The following AKT3 variants were observed in gnomAD, a reference collection of about 807,000 sequenced individuals.
AKT3 encodes the protein AKT serine/threonine kinase 3.
Under a neutral mutation model 65.3 loss-of-function variants are expected in AKT3, and 15 were observed. That is an observed-to-expected ratio of 0.23 (90% CI 0.15 to 0.35). AKT3 has a LOEUF of 0.35. AKT3 is among the 10% of genes least tolerant of loss of function. The probability of loss-of-function intolerance (pLI) is 1.00; values close to 1 mark genes in which losing one functional copy is unlikely to be tolerated. For missense variants in AKT3, 243 were observed against 576.5 expected (o/e 0.42, Z 5.92); for synonymous variants, 206 against 183.8 (o/e 1.12, Z -0.98).
intron 9 of AKT3, among the ~76,000 whole-genome samples, chr1:243,567,460 G>A (rs943262596): frequency 4.1e-5 from 6 of 145,536 alleles, no homozygotes; most frequent in South Asian, 2.2e-4. Context: ...CCACTACCAC[G>A]CCCTGCTAGT....
At chr1:243,599,030 G>A (rs1254197991) in intron 8 of AKT3, among the ~76,000 whole-genome samples, 1 of 152,030 alleles carries the variant, frequency 6.6e-6, no homozygotes, top group Non-Finnish European at 1.5e-5. Context: ...TATTTTTATC[G>A]TGGTGATGAT....
intron 11 of AKT3, among the ~76,000 whole-genome samples, chr1:243,549,131 G>A (rs938542861): frequency 6.6e-6 from 1 of 152,054 alleles, no homozygotes; most frequent in Middle Eastern, 3.2e-3. Context: ...AATCCATGTA[G>A]TCAGTTACTG....
chr1:243,585,815 T>C (rs373346764), intron 8 of AKT3, among the ~76,000 whole-genome samples: 10 of 152,152 alleles, frequency 6.6e-5, no homozygotes, highest in Non-Finnish European at 1.3e-4. Flanking sequence ...AACACCATTC[T>C]TGACATTGGC....
At chr1:243,630,974 C>CTTTT (rs34788254) in intron 6 of AKT3, among the ~76,000 whole-genome samples, 3 of 147,690 alleles carry the variant, frequency 2.0e-5, no homozygotes, top group Admixed American at 6.7e-5. Flanking sequence ...CAAATAGCCT[C>CTTTT]TTTTTTTTTT....
intron 4 of AKT3, among the ~76,000 whole-genome samples, chr1:243,656,934 A>G (rs1301747063): frequency 1.3e-5 from 2 of 152,236 alleles, no homozygotes; most frequent in Non-Finnish European, 2.9e-5. Context: ...ATAAATTAAG[A>G]AAAAAGGTAT....
intron 8 of AKT3, among the ~76,000 whole-genome samples, chr1:243,589,743 A>G (rs1007505081): frequency 1.3e-4 from 20 of 152,310 alleles, no homozygotes; most frequent in African/African-American, 4.8e-4. Flanking sequence ...GTACTCCCAC[A>G]TACACTGTAG....
intron 12 of AKT3, among the ~76,000 whole-genome samples, chr1:243,528,690 T>C (rs1349557081): frequency 6.6e-6 from 1 of 152,244 alleles, no homozygotes; most frequent in African/African-American, 2.4e-5. Flanking sequence ...TTCCATGGTG[T>C]ATCTGTACTA....
intron 2 of AKT3, among the ~76,000 whole-genome samples, chr1:243,718,321 T>C (rs535192506): frequency 4.3e-4 from 65 of 152,330 alleles, no homozygotes; most frequent in African/African-American, 1.5e-3. Flanking sequence ...GTTACTTACA[T>C]AGGAGATGAA....
chr1:243,585,161 G>C (rs1396823602), intron 8 of AKT3, among the ~76,000 whole-genome samples: 2 of 151,854 alleles, frequency 1.3e-5, no homozygotes, highest in Admixed American at 1.3e-4. Flanking sequence ...AAAAAATCCA[G>C]GAATACATCT....
intron 13 of AKT3, among the ~76,000 whole-genome samples, chr1:243,507,273 G>T (rs1669732537): frequency 6.6e-6 from 1 of 152,190 alleles, no homozygotes; most frequent in Non-Finnish European, 1.5e-5. Context: ...ACACCCTTTT[G>T]GAAGAGGAGG....
intron 2 of AKT3, among the ~76,000 whole-genome samples, chr1:243,810,886 T>C (rs1558834128): frequency 6.6e-6 from 1 of 152,134 alleles, no homozygotes; most frequent in Admixed American, 6.5e-5. Context: ...TGCAAATCAA[T>C]AAAGTAATCC....
chr1:243,626,357 T>G (rs1444273634), intron 6 of AKT3, among the ~76,000 whole-genome samples: 1 of 152,218 alleles, frequency 6.6e-6, no homozygotes, highest in African/African-American at 2.4e-5. Context: ...CACAAAGGTC[T>G]TAATGCTGCA....
At chr1:243,532,205 T>C (rs1218050557) in intron 12 of AKT3, among the ~76,000 whole-genome samples, 1 of 152,206 alleles carries the variant, frequency 6.6e-6, no homozygotes. Flanking sequence ...GGGGAAAAAC[T>C]TTCAGTCTTT....
intron 4 of AKT3, among the ~76,000 whole-genome samples, chr1:243,662,498 C>T (rs1207446899): frequency 2.2e-5 from 3 of 136,408 alleles, no homozygotes; most frequent in South Asian, 2.2e-4. Context: ...TAGGTGGGAA[C>T]TGAACAATGA....
intron 2 of AKT3, among the ~76,000 whole-genome samples, chr1:243,778,916 G>C (rs547938649): frequency 4.2e-5 from 6 of 143,310 alleles, no homozygotes; most frequent in Non-Finnish European, 1.5e-5. Context: ...CTATTCTTCC[G>C]ATTCTTTTTT....
intron 1 of AKT3, among the ~76,000 whole-genome samples, chr1:243,848,622 T>G (rs1247572426): frequency 6.6e-6 from 1 of 152,212 alleles, no homozygotes; most frequent in African/African-American, 2.4e-5. Context: ...CCTAGTGATG[T>G]ATAGTTCTAC....
chr1:243,544,788 C>CA (rs1672552275), intron 12 of AKT3, among the ~76,000 whole-genome samples: 1 of 150,618 alleles, frequency 6.6e-6, no homozygotes, highest in Admixed American at 6.6e-5. Flanking sequence ...ACTGCAGCCT[C>CA]AACCTCCTGT....
intron 12 of AKT3, among the ~76,000 whole-genome samples, chr1:243,535,376 C>T (rs1035681614): frequency 6.6e-6 from 1 of 151,988 alleles, no homozygotes; most frequent in African/African-American, 2.4e-5. Context: ...CCTCTTCCAT[C>T]CTCCCCTCAC....
intron 5 of AKT3, among the ~76,000 whole-genome samples, chr1:243,638,785 A>T (rs1680163714): frequency 6.6e-6 from 1 of 152,070 alleles, no homozygotes. Context: ...TAAACGTGAG[A>T]AATATTTCAA....
Sources: allele counts gnomAD v4.1 joint callset (sites outside exome capture counted in the v4.1 genomes callset), GRCh38; gene constraint gnomAD v4.1.1; transcripts MANE v1.5; gene names NCBI Gene and HGNC (gene_info 2026-07-23, HGNC 2026-07-21).